Variants in SPATA6L observed in about 807,000 individuals in gnomAD.
SPATA6L encodes the protein spermatogenesis associated 6-like protein.
In SPATA6L, 68 loss-of-function variants were observed where a neutral mutation model predicts 49.2. That is an observed-to-expected ratio of 1.38 (90% CI 1.14 to 1.69). SPATA6L has a LOEUF of 1.69. SPATA6L is among the 40% of genes most tolerant of loss of function. The probability of loss-of-function intolerance (pLI) is 0.00; values close to 1 mark genes in which losing one functional copy is unlikely to be tolerated. For synonymous variants in SPATA6L, 198 were observed against 165.7 expected, an observed-to-expected ratio of 1.19 and a Z score of -1.50; for missense variants, 668 against 464.3, an observed-to-expected ratio of 1.44 and a Z score of -4.03.
intron 2 of SPATA6L, among the ~76,000 whole-genome samples, chr9:4,659,842 T>C (rs1839193665): frequency 6.6e-6 from 1 of 152,010 alleles, no homozygotes; most frequent in Admixed American, 6.5e-5. Flanking sequence ...TACAGACCAA[T>C]GGAACAGAAC....
At position 4,662,217 on chromosome 9, in the gene SPATA6L, C is replaced by T. The variant is rs924683827; in HGVS notation, c.40-181G>A. 2 of 1,434,910 alleles carry T rather than the reference C, an allele frequency of 1.4e-6. No individual in the cohort carries two copies. The highest frequency in any genetic ancestry group is 9.1e-7 in the Non-Finnish European group (1 of 1,099,288). The allele number at this position is 1,434,910 out of a possible 1,614,324, so 88.9% of individuals were successfully genotyped here. A position where few individuals can be genotyped will look rare whatever the true frequency, so the allele number is the denominator to read the frequency against. On this transcript the variant is annotated intron_variant, in intron 1 of 11. Transcript: ENST00000682582. The surrounding 1 kb of genome is among the most constrained non-coding windows in gnomAD (Gnocchi z 4.9). ...CTCTGCTCTCCTCACATTGGAAATTCCAACTCCCTCCCACGTCTCCACCAG... is the reference window on the plus strand; with the variant it reads ...CTCTGCTCTCCTCACATTGGAAATTTCAACTCCCTCCCACGTCTCCACCAG...
At chr9:4,629,769 G>GTGTGTGTGTGTGTGTGTATATA (rs1311805859) in intron 4 of SPATA6L, among the ~76,000 whole-genome samples, 3 of 101,922 alleles carry the variant, frequency 2.9e-5, no homozygotes, top group African/African-American at 1.5e-4. Flanking sequence ...GTGTGTGTGT[G>GTGTGTGTGTGTGTGTGTATATA]TATATATATA....
At chr9:4,648,884 T>C (rs1836126115) in intron 3 of SPATA6L, among the ~76,000 whole-genome samples, 1 of 152,100 alleles carries the variant, frequency 6.6e-6, no homozygotes, top group Non-Finnish European at 1.5e-5. Context: ...TGTTTTTGCA[T>C]CCTCATAGCT....
Position 4,598,623 on chromosome 9 carries a change from A to T in SPATA6L, c.*2188T>A, listed in dbSNP as rs1822538756. Among the ~76,000 whole-genome samples the T allele has an allele frequency of 6.6e-6, 1 of 152,234 alleles. No individual in the cohort carries two copies. The highest frequency in any genetic ancestry group is 2.4e-5 in the African/African-American group (1 of 41,464). On this transcript the variant is annotated 3_prime_UTR_variant, in exon 12 of 12. Transcript: ENST00000682582. ...CTTATTAAAGAGTTATGCTTAAACC[A>T]TTTCAAAAAACACTGAATATTGAAT... is the stretch of plus-strand genomic sequence containing the variant.
At chr9:4,622,292 G>A in intron 7 of SPATA6L, 116 bp downstream of exon 7, 1 of 674,494 alleles carries the variant, frequency 1.5e-6, no homozygotes, top group Non-Finnish European at 2.6e-6. Context: ...GAGAGTACTT[G>A]AGAATTAGGC....
chr9:4,665,465 G>A (rs1172556224), intron 1 of SPATA6L, among the ~76,000 whole-genome samples: 1 of 152,236 alleles, frequency 6.6e-6, no homozygotes, highest in East Asian at 1.9e-4. Flanking sequence ...CCACATGTAT[G>A]ATGAAACCAC....
rs1037801168 is a variant in SPATA6L, at chr9:4,662,482, G to C, written c.40-446C>G. ...GCCCATGGCGGCGGTGGCGGCGGCA[G>C]CAGGTTTGAGTTCCAGTCCCTGCTC... On this transcript the variant is annotated intron_variant, in intron 1 of 11. Transcript: ENST00000682582. The surrounding 1 kb of genome is among the most constrained non-coding windows in gnomAD (Gnocchi z 4.9). 5 of 1,553,572 alleles carry C rather than the reference G, an allele frequency of 3.2e-6. No individual in the cohort carries two copies. Among genetic ancestry groups the C allele is most frequent in the Non-Finnish European group, 3.5e-6 (4 of 1,159,380 alleles).
chr9:4,595,806 T>C (rs1317382436), downstream of SPATA6L, among the ~76,000 whole-genome samples: 1 of 152,246 alleles, frequency 6.6e-6, no homozygotes, highest in Non-Finnish European at 1.5e-5. Context: ...GATTATAAAG[T>C]AATGAAATTG....
intron 1 of SPATA6L, among the ~76,000 whole-genome samples, chr9:4,665,840 T>A (rs756519354): frequency 1.2e-4 from 18 of 152,240 alleles, no homozygotes; most frequent in Non-Finnish European, 2.5e-4. Flanking sequence ...GATGGAGCTT[T>A]TTAAAATTAT....
In SPATA6L at chr9:4,598,890, G is replaced by A. The variant is rs78360211; in HGVS notation, c.*1921C>T. 9.7e-3 allele frequency among the ~76,000 whole-genome samples: 1,481 copies of A among 152,362 alleles called. 13 individuals are homozygous for A. Among genetic ancestry groups the A allele is most frequent in the Non-Finnish European group, 0.015 (1,022 of 68,032 alleles). ...GTAATTTAAGCTTGCTGTTGGCCTT[G>A]CCAAGGTGGAATGCTGGTTGTGATA... On this transcript the variant is annotated 3_prime_UTR_variant, in exon 12 of 12. Coordinates refer to ENST00000682582, the MANE Select transcript of SPATA6L (RefSeq NM_001353486.2).
At chr9:4,590,593 G>C (rs1821843594) in intron 13 of SPATA6L, among the ~76,000 whole-genome samples, 1 of 152,170 alleles carries the variant, frequency 6.6e-6, no homozygotes, top group Admixed American at 6.5e-5. Flanking sequence ...ATTCTGGTTG[G>C]AGAAAATGAG....
At chr9:4,604,744 A>G (rs1301988016) in intron 10 of SPATA6L, among the ~76,000 whole-genome samples, 1 of 152,220 alleles carries the variant, frequency 6.6e-6, no homozygotes, top group Admixed American at 6.5e-5. Context: ...ACTACATGGC[A>G]TCATTAAATT....
intron 13 of SPATA6L, among the ~76,000 whole-genome samples, chr9:4,590,761 G>T (rs543068303): frequency 6.6e-6 from 1 of 152,098 alleles, no homozygotes; most frequent in Non-Finnish European, 1.5e-5. Flanking sequence ...AAAATGGAGG[G>T]AGGCAAATAA....
At chr9:4,607,631 G>A (rs1167225552) in intron 9 of SPATA6L, among the ~76,000 whole-genome samples, 1 of 151,964 alleles carries the variant, frequency 6.6e-6, no homozygotes, top group African/African-American at 2.4e-5. Flanking sequence ...CCCTAAAAGA[G>A]CTCCTGAAGG....
At chr9:4,632,308 G>A (rs1204629577) in intron 4 of SPATA6L, among the ~76,000 whole-genome samples, 1 of 151,912 alleles carries the variant, frequency 6.6e-6, no homozygotes, top group East Asian at 1.9e-4. Flanking sequence ...TCAAGATGAA[G>A]CTGAAGGCCG....
chr9:4,622,257 C>T, intron 7 of SPATA6L, 151 bp downstream of exon 7: 1 of 593,992 alleles, frequency 1.7e-6, no homozygotes, highest in Non-Finnish European at 3.0e-6. Flanking sequence ...TTCATGGGAA[C>T]ACTGCCCTGG....
intron 5 of SPATA6L, chr9:4,626,555 C>G: frequency 1.5e-6 from 2 of 1,303,352 alleles, no homozygotes; most frequent in Non-Finnish European, 2.0e-6. Flanking sequence ...TTTCCCCAGC[C>G]CTAGGGGTGG....
At chr9:4,627,991 G>A (rs376001464) in intron 5 of SPATA6L, 6 of 372,962 alleles carry the variant, frequency 1.6e-5, no homozygotes, top group African/African-American at 1.1e-4. Flanking sequence ...AGTGAAATAA[G>A]CCAGGCACAG....
downstream of SPATA6L, among the ~76,000 whole-genome samples, chr9:4,596,851 G>A (rs1822299419): frequency 6.6e-6 from 1 of 152,198 alleles, no homozygotes. Flanking sequence ...ACAAGACAGA[G>A]CAGGGTTTGC....
Sources: allele counts gnomAD v4.1 joint callset (sites outside exome capture counted in the v4.1 genomes callset), GRCh38; gene constraint gnomAD v4.1.1; non-coding constraint Gnocchi (gnomAD v3.1); transcripts MANE v1.5; gene names NCBI Gene and HGNC (gene_info 2026-07-23, HGNC 2026-07-21).